The following ADGRL3 variants were observed in gnomAD, a reference collection of about 807,000 sequenced individuals.
ADGRL3 encodes adhesion G protein-coupled receptor L3.
In ADGRL3, 62 loss-of-function variants were observed where a neutral mutation model predicts 153.5. The ratio of observed to expected loss-of-function variants is 0.40; its 90% CI spans 0.33 to 0.50. ADGRL3 has a LOEUF of 0.50. Ranked by LOEUF, ADGRL3 falls within the 20% of genes least tolerant of loss-of-function variation. ADGRL3 has a pLI of 0.47. For synonymous variants in ADGRL3, 710 were observed against 672.5 expected, an observed-to-expected ratio of 1.06 and a Z score of -0.86; for missense variants, 1,641 against 1,859.4, an observed-to-expected ratio of 0.88 and a Z score of 2.16.
chr4:61,220,927 G>A (rs1014964289), intron 1 of ADGRL3, among the ~76,000 whole-genome samples: 1 of 152,110 alleles, frequency 6.6e-6, no homozygotes, highest in Non-Finnish European at 1.5e-5. Context: ...AATATATATG[G>A]ACTGTAAAAT....
At chr4:61,811,367 A>T (rs2097617437) in intron 8 of ADGRL3, among the ~76,000 whole-genome samples, 1 of 152,102 alleles carries the variant, frequency 6.6e-6, no homozygotes, top group African/African-American at 2.4e-5. Context: ...GAGTAAAAGA[A>T]GCTGATCACA....
intron 1 of ADGRL3, among the ~76,000 whole-genome samples, chr4:61,312,486 T>C (rs1004045533): frequency 6.6e-6 from 1 of 152,082 alleles, no homozygotes; most frequent in Non-Finnish European, 1.5e-5. Flanking sequence ...AGAAAAATAT[T>C]TGAACAACAC....
At chr4:61,718,278 A>G (rs565329865) in intron 6 of ADGRL3, among the ~76,000 whole-genome samples, 2 of 152,272 alleles carry the variant, frequency 1.3e-5, no homozygotes, top group African/African-American at 4.8e-5. Context: ...GCCTTTCTTA[A>G]TACAAATAAA....
At position 62,076,646 on chromosome 4, in the gene ADGRL3, T is replaced by C. The variant is rs1220206410; in HGVS notation, c.*5738T>C. On this transcript the variant is annotated 3_prime_UTR_variant, in exon 27 of 27. Coordinates refer to ENST00000683033, the MANE Select transcript of ADGRL3 (RefSeq NM_001387552.1). ...AATGGGAGTTTCCTATATTCTGATT[T>C]CATTCTGCTAATTCCACGGGAAACA... 2.0e-5 allele frequency: 3 copies of C among 152,064 alleles called. No homozygotes were observed. The highest frequency in any genetic ancestry group is 4.4e-5 in the Non-Finnish European group (3 of 67,926). The allele number at this position is 152,064 out of a possible 1,614,324, so 9.4% of individuals were successfully genotyped here.
rs56862136 is a variant in ADGRL3, at chr4:61,261,189, CTT to C, written c.-240+59445_-240+59446del. On this transcript the variant is annotated intron_variant, in intron 1 of 26. Transcript: ENST00000683033. ...ATTTTTTGTTCTTTTTCATCTTCTT[CTT>C]TTTTTTTTTTTTTTTTTTTTAAAGG... Among the ~76,000 whole-genome samples the C allele has an allele frequency of 6.4e-3, 759 of 118,200 alleles. 7 individuals are homozygous for C. The highest frequency in any genetic ancestry group is 9.3e-3 in the South Asian group (32 of 3,446). The allele number at this position is 118,200 out of a possible 152,430, so 77.5% of individuals were successfully genotyped here.
chr4:61,748,115 C>G (rs1226426804), intron 8 of ADGRL3, among the ~76,000 whole-genome samples: 7 of 151,420 alleles, frequency 4.6e-5, no homozygotes, highest in African/African-American at 1.7e-4. Flanking sequence ...ACAATTGCTT[C>G]AAAGAGAATA....
At chr4:61,874,295 C>T (rs992516104) in intron 9 of ADGRL3, among the ~76,000 whole-genome samples, 2 of 152,144 alleles carry the variant, frequency 1.3e-5, no homozygotes, top group African/African-American at 4.8e-5. Flanking sequence ...GGCCACTGGT[C>T]TCAGCTCCTT....
At chr4:61,964,981 C>T (rs1327138995) in intron 17 of ADGRL3, among the ~76,000 whole-genome samples, 1 of 151,936 alleles carries the variant, frequency 6.6e-6, no homozygotes, top group Non-Finnish European at 1.5e-5. Context: ...GCAACATTTC[C>T]GTAATTGTTT....
chr4:61,243,975 G>A (rs1756045409), intron 1 of ADGRL3, among the ~76,000 whole-genome samples: 1 of 151,968 alleles, frequency 6.6e-6, no homozygotes, highest in Admixed American at 6.6e-5. Context: ...CGTTTCTATA[G>A]TGATGGTTAA....
rs955579473 is a variant in ADGRL3, at chr4:61,425,278, A to G, written c.-174+42089A>G. 3.4e-4 allele frequency: 52 copies of G among 152,194 alleles called. 1 individual carries two copies. The highest frequency in any genetic ancestry group is 1.3e-3 in the African/African-American group (52 of 41,408). The allele number at this position is 152,194 out of a possible 1,614,324, so 9.4% of individuals were successfully genotyped here. On this transcript the variant is annotated intron_variant, in intron 2 of 26. Coordinates refer to ENST00000683033, the MANE Select transcript of ADGRL3 (RefSeq NM_001387552.1). ...AGGTCAGCCAGGGGTTGAGCATGTCATAGGTTTTGCCATGCCCCCTATCCA... is the reference window on the plus strand; with the variant it reads ...AGGTCAGCCAGGGGTTGAGCATGTCGTAGGTTTTGCCATGCCCCCTATCCA...
chr4:62,003,554 G>A (rs535375517), intron 21 of ADGRL3, among the ~76,000 whole-genome samples: 1 of 152,192 alleles, frequency 6.6e-6, no homozygotes, highest in African/African-American at 2.4e-5. Flanking sequence ...AGAGCTTTGT[G>A]ATAATTACAT....
chr4:61,457,570 A>T (rs2097767770), intron 2 of ADGRL3, among the ~76,000 whole-genome samples: 1 of 151,962 alleles, frequency 6.6e-6, no homozygotes, highest in Non-Finnish European at 1.5e-5. Context: ...AAATTTAATC[A>T]AATTAATTGG....
chr4:61,352,072 TG>T (rs1310148285), intron 1 of ADGRL3, among the ~76,000 whole-genome samples: 1 of 152,120 alleles, frequency 6.6e-6, no homozygotes, highest in Non-Finnish European at 1.5e-5. Context: ...TTTGGATTCA[TG>T]GGGAAATATC....
At chr4:61,697,248 A>C (rs547452094) in intron 6 of ADGRL3, among the ~76,000 whole-genome samples, 13 of 152,268 alleles carry the variant, frequency 8.5e-5, no homozygotes, top group Middle Eastern at 3.4e-3. Context: ...AGTAAAGACA[A>C]ATATTTTTAA....
intron 17 of ADGRL3, among the ~76,000 whole-genome samples, chr4:61,975,288 T>G (rs2099044116): frequency 6.6e-6 from 1 of 152,096 alleles, no homozygotes; most frequent in African/African-American, 2.4e-5. Context: ...AGGTGACATT[T>G]GAATAAATAA....
rs577740632 is a variant in ADGRL3, at chr4:61,743,922, G to C, written c.1399+10368G>C. On this transcript the variant is annotated intron_variant, in intron 8 of 26. Coordinates refer to ENST00000683033, the MANE Select transcript of ADGRL3 (RefSeq NM_001387552.1). ...AGCAGGGCGACGCATTGCCTCACTC[G>C]GGAAGTGCAAGGGGTCAGGGACTTC... is the stretch of plus-strand genomic sequence containing the variant. 5.9e-5 allele frequency among the ~76,000 whole-genome samples: 9 copies of C among 152,190 alleles called. No individual in the cohort carries two copies. In the South Asian group the frequency reaches 1.9e-3, roughly 31 times the overall value.
chr4:61,563,983 T>C (rs1285761537), intron 4 of ADGRL3, among the ~76,000 whole-genome samples: 1 of 152,076 alleles, frequency 6.6e-6, no homozygotes, highest in Non-Finnish European at 1.5e-5. Flanking sequence ...GACTCCAGCC[T>C]GGTGACAGAG....
chr4:61,800,320 C>G (rs760129722), intron 8 of ADGRL3, among the ~76,000 whole-genome samples: 5 of 152,016 alleles, frequency 3.3e-5, no homozygotes, highest in Non-Finnish European at 5.9e-5. Context: ...CAAGTAAATA[C>G]AGTTAAGGCA....
At chr4:61,968,634 A>G (rs978532376) in intron 17 of ADGRL3, among the ~76,000 whole-genome samples, 3 of 152,198 alleles carry the variant, frequency 2.0e-5, no homozygotes, top group Admixed American at 6.6e-5. Flanking sequence ...AGGCCCATTA[A>G]GTGCTTCTGC....
Sources: allele counts gnomAD v4.1 joint callset (sites outside exome capture counted in the v4.1 genomes callset), GRCh38; gene constraint gnomAD v4.1.1; transcripts MANE v1.5; gene names NCBI Gene and HGNC (gene_info 2026-07-23, HGNC 2026-07-21).